RTL4: variants seen among roughly 807,000 people sequenced by gnomAD.
The protein encoded by RTL4 is retrotransposon Gag like 4, also known as retrotransposon Gag-like protein 4.
RTL4 carries 4 observed loss-of-function variants against 5.3 expected under a neutral mutation model. That is an observed-to-expected ratio of 0.75 (90% confidence interval 0.37 to 1.72). The LOEUF is 1.72. Among genes scored for constraint, RTL4 ranks in the 40% most tolerant of loss-of-function variants. RTL4 has a pLI of 0.04. For synonymous variants in RTL4, 98 were observed against 87.3 expected (o/e 1.12, Z -0.68); for missense variants, 260 against 227.1 (o/e 1.14, Z -0.93).
At chrX:112,246,867 G>A in the RTL4 span, among the ~76,000 whole-genome samples, 25 of 111,640 alleles carry the variant, frequency 2.2e-4, no homozygotes, top group African/African-American at 7.8e-4. Flanking sequence ...ACCTCTGATT[G>A]TTTGTATTTA....
the RTL4 span, among the ~76,000 whole-genome samples, chrX:112,140,958 G>C: frequency 8.9e-6 from 1 of 111,829 alleles, no homozygotes; most frequent in Admixed American, 9.5e-5. Flanking sequence ...TACAACTACA[G>C]TCTCATGCTG....
the RTL4 span, among the ~76,000 whole-genome samples, chrX:112,330,854 A>G: frequency 9.0e-6 from 1 of 111,236 alleles, no homozygotes; most frequent in South Asian, 3.8e-4. Flanking sequence ...ATAACACCGC[A>G]TATCTACAAC....
chrX:112,177,570 A>G, the RTL4 span, among the ~76,000 whole-genome samples: 5 of 103,747 alleles, frequency 4.8e-5, no homozygotes, highest in South Asian at 2.2e-3. Context: ...TTTTGTATGT[A>G]CTCTGGTTAT....
the RTL4 span, among the ~76,000 whole-genome samples, chrX:112,215,055 T>C: frequency 8.9e-6 from 1 of 111,942 alleles, no homozygotes; most frequent in African/African-American, 3.2e-5. Context: ...CCCAAAGTGC[T>C]GGGATTACAG....
At chrX:112,308,888 CA>C in the RTL4 span, among the ~76,000 whole-genome samples, 1 of 108,426 alleles carries the variant, frequency 9.2e-6, no homozygotes, top group Non-Finnish European at 1.9e-5. Context: ...TCCAATAAAA[CA>C]AAAAAAAATG....
At chrX:112,284,926 C>T in the RTL4 span, among the ~76,000 whole-genome samples, 1 of 111,270 alleles carries the variant, frequency 9.0e-6, no homozygotes, top group Non-Finnish European at 1.9e-5. Context: ...CAAATGGACC[C>T]TGAATAATTT....
chrX:112,432,330 A>T, the RTL4 span, among the ~76,000 whole-genome samples: 1 of 89,579 alleles, frequency 1.1e-5, no homozygotes, highest in Non-Finnish European at 2.3e-5. Flanking sequence ...TGGTCGAACT[A>T]GTTTACAGTC....
the RTL4 span, among the ~76,000 whole-genome samples, chrX:112,156,459 A>T: frequency 8.9e-6 from 1 of 112,368 alleles, no homozygotes; most frequent in Non-Finnish European, 1.9e-5. Context: ...AAAGATACAT[A>T]TCTCAATGGT....
chrX:112,241,912 A>G, the RTL4 span, among the ~76,000 whole-genome samples: 1 of 112,204 alleles, frequency 8.9e-6, no homozygotes, highest in South Asian at 3.7e-4. Context: ...CTTTCTACAT[A>G]TGGCTAGCCA....
chrX:112,255,756 G>A, the RTL4 span, among the ~76,000 whole-genome samples: 4 of 111,555 alleles, frequency 3.6e-5, no homozygotes, highest in East Asian at 2.8e-4. Context: ...GATTTATCTC[G>A]TTTCCCTTAA....
the RTL4 span, among the ~76,000 whole-genome samples, chrX:112,240,796 G>A: frequency 9.0e-6 from 1 of 110,803 alleles, no homozygotes; most frequent in African/African-American, 3.3e-5. Flanking sequence ...ATCTACATTA[G>A]GTATTTCTCC....
the RTL4 span, among the ~76,000 whole-genome samples, chrX:112,409,730 A>G: frequency 0.022 from 2,426 of 110,076 alleles, 38 homozygotes; most frequent in East Asian, 0.041. Context: ...CGAAAAAAAA[A>G]AAAAATTAAA....
At chrX:112,242,410 A>G in the RTL4 span, among the ~76,000 whole-genome samples, 2 of 111,448 alleles carry the variant, frequency 1.8e-5, no homozygotes, top group African/African-American at 6.5e-5. Context: ...GAGGTCCTTC[A>G]CATCCCTTGT....
At chrX:112,311,349 T>G in the RTL4 span, among the ~76,000 whole-genome samples, 1 of 111,020 alleles carries the variant, frequency 9.0e-6, no homozygotes, top group African/African-American at 3.3e-5. Context: ...TCCCTCTGCA[T>G]TTTATAGGAT....
the RTL4 span, among the ~76,000 whole-genome samples, chrX:112,440,153 C>T: frequency 9.0e-3 from 1,007 of 112,215 alleles, 10 homozygotes; most frequent in African/African-American, 0.031. Flanking sequence ...ATAAAGTCAA[C>T]TCAAACCCAT....
the RTL4 span, among the ~76,000 whole-genome samples, chrX:112,409,310 T>G: frequency 8.9e-6 from 1 of 112,456 alleles, no homozygotes; most frequent in East Asian, 2.8e-4. Context: ...ATGTTTTTGC[T>G]TTGTTTATTT....
chrX:112,442,205 A>G, the RTL4 span, among the ~76,000 whole-genome samples: 19 of 109,791 alleles, frequency 1.7e-4, no homozygotes, highest in Non-Finnish European at 3.6e-4. Flanking sequence ...ACCCAGATGT[A>G]TACATTTGTC....
chrX:112,198,127 G>A, the RTL4 span, among the ~76,000 whole-genome samples: 2 of 111,563 alleles, frequency 1.8e-5, no homozygotes, highest in East Asian at 5.7e-4. Flanking sequence ...ATCTGAGGTT[G>A]TTACTGTCCA....
the RTL4 span, among the ~76,000 whole-genome samples, chrX:112,138,607 A>G: frequency 9.0e-6 from 1 of 110,921 alleles, no homozygotes; most frequent in Non-Finnish European, 1.9e-5. Context: ...TTGAAATTAC[A>G]TGGTGTTTAT....
Sources: allele counts gnomAD v4.1 joint callset (sites outside exome capture counted in the v4.1 genomes callset), GRCh38; gene constraint gnomAD v4.1.1; transcripts MANE v1.5; gene names NCBI Gene and HGNC (gene_info 2026-07-23, HGNC 2026-07-21).